The following DAB1 variants were observed in gnomAD, a reference collection of about 807,000 sequenced individuals.
DAB1 encodes the protein DAB adaptor protein 1, also known as disabled homolog 1.
In DAB1, 15 loss-of-function variants were observed where a neutral mutation model predicts 64.6. The observed-to-expected ratio is 0.23, with a 90% CI of 0.16 to 0.36. The LOEUF (loss-of-function observed/expected upper bound fraction) is 0.36, where lower values mean the gene tolerates loss of function less well. Ranked by LOEUF, DAB1 falls within the 10% of genes least tolerant of loss-of-function variation. The pLI is 1.00. For missense variants in DAB1, 596 were observed against 706.7 expected, an observed-to-expected ratio of 0.84 and a Z score of 1.78; for synonymous variants, 235 against 251.9, an observed-to-expected ratio of 0.93 and a Z score of 0.64.
intron 2 of DAB1, among the ~76,000 whole-genome samples, chr1:57,208,081 T>C (rs115254847): frequency 0.012 from 1,796 of 152,230 alleles, 36 homozygotes; most frequent in African/African-American, 0.041. Flanking sequence ...AACACTGTCA[T>C]GGGAGTGAGG....
At chr1:58,280,575 G>T (rs1008872946) in intron 4 of DAB1, among the ~76,000 whole-genome samples, 15 of 152,160 alleles carry the variant, frequency 9.9e-5, no homozygotes, top group African/African-American at 3.4e-4. Context: ...CCCAATTTCT[G>T]GTAGAATCTT....
chr1:57,317,195 T>C (rs1032460690), intron 1 of DAB1, among the ~76,000 whole-genome samples: 13 of 152,096 alleles, frequency 8.5e-5, no homozygotes. Context: ...TCCAACAGCA[T>C]GTGAGGAACT....
At chr1:57,106,814 G>A (rs921703427) in intron 4 of DAB1, among the ~76,000 whole-genome samples, 9 of 152,080 alleles carry the variant, frequency 5.9e-5, no homozygotes, top group Admixed American at 3.3e-4. Flanking sequence ...CCCTGTGCTT[G>A]CCCTCAAGAC....
chr1:57,772,451 AT>A (rs1649603263), intron 6 of DAB1, among the ~76,000 whole-genome samples: 1 of 152,140 alleles, frequency 6.6e-6, no homozygotes, highest in African/African-American at 2.4e-5. Context: ...TTCTTTCCAG[AT>A]TTTGGTTATT....
At chr1:58,358,454 A>G (rs1194047788) in intron 3 of DAB1, among the ~76,000 whole-genome samples, 1 of 152,206 alleles carries the variant, frequency 6.6e-6, no homozygotes, top group African/African-American at 2.4e-5. Context: ...AGTTAAGGGA[A>G]AACAACTCAG....
intron 1 of DAB1, among the ~76,000 whole-genome samples, chr1:57,373,617 A>G (rs907143640): frequency 2.0e-5 from 3 of 152,186 alleles, no homozygotes; most frequent in East Asian, 1.9e-4. Context: ...CAAATTGCCC[A>G]TGCTCTACTT....
intron 3 of DAB1, among the ~76,000 whole-genome samples, chr1:58,455,394 C>T (rs561126984): frequency 2.2e-4 from 34 of 152,354 alleles, no homozygotes; most frequent in African/African-American, 8.2e-4. Context: ...ATTGCAGGCC[C>T]ACCCCGCGGA....
At chr1:56,999,778 C>G (rs1645774977) in intron 14 of DAB1, among the ~76,000 whole-genome samples, 1 of 152,178 alleles carries the variant, frequency 6.6e-6, no homozygotes, top group African/African-American at 2.4e-5. Flanking sequence ...CTCCTGCCAT[C>G]AGATCCAATT....
intron 2 of DAB1, among the ~76,000 whole-genome samples, chr1:57,179,935 A>G (rs760817555): frequency 6.6e-6 from 1 of 152,194 alleles, no homozygotes; most frequent in Non-Finnish European, 1.5e-5. Flanking sequence ...GGTGTTTGGA[A>G]TTAGTCTTCC....
chr1:57,405,169 TAGAC>T (rs1181866254), intron 1 of DAB1, among the ~76,000 whole-genome samples: 2 of 152,248 alleles, frequency 1.3e-5, no homozygotes, highest in Non-Finnish European at 2.9e-5. Context: ...GCTATAGACT[TAGAC>T]AGATACAAAC....
chr1:57,299,843 C>T lies in DAB1; in HGVS notation c.-136-8677G>A, dbSNP rs116209280. On this transcript the variant is annotated intron_variant, in intron 1 of 14. Transcript: ENST00000371236. ...CTTTAAGCTCTTTCATCAGCCTTGG[C>T]CTCAATTTCTTCATCTGTAAAATGG... is the stretch of plus-strand genomic sequence containing the variant. 9.9e-3 allele frequency among the ~76,000 whole-genome samples: 1,505 copies of T among 152,288 alleles called. 15 individuals are homozygous for T. Among genetic ancestry groups the T allele is most frequent in the Admixed American group, 0.024 (368 of 15,284 alleles).
chr1:57,405,564 A>G (rs113781314), intron 1 of DAB1, among the ~76,000 whole-genome samples: 209 of 152,330 alleles, frequency 1.4e-3, no homozygotes, highest in African/African-American at 4.7e-3. Context: ...TTTAGTGCCA[A>G]ATTTTTAAAC....
intron 2 of DAB1, among the ~76,000 whole-genome samples, chr1:57,155,670 T>C (rs1039305007): frequency 1.3e-5 from 2 of 151,958 alleles, no homozygotes; most frequent in African/African-American, 4.8e-5. Context: ...TTCCACCCTA[T>C]GAACATGGAA....
At chr1:58,297,643 G>T (rs370334780) in intron 4 of DAB1, among the ~76,000 whole-genome samples, 2 of 152,170 alleles carry the variant, frequency 1.3e-5, no homozygotes, top group African/African-American at 4.8e-5. Context: ...GATCAATGGT[G>T]ATTATAATAA....
At chr1:57,859,258 C>A (rs149577801) in intron 1 of DAB1, among the ~76,000 whole-genome samples, 2 of 152,274 alleles carry the variant, frequency 1.3e-5, no homozygotes, top group African/African-American at 4.8e-5. Flanking sequence ...GCATTTACTT[C>A]CTATTAGTGA....
chr1:57,976,143 A>T (rs1645914711), intron 5 of DAB1, among the ~76,000 whole-genome samples: 1 of 152,166 alleles, frequency 6.6e-6, no homozygotes, highest in African/African-American at 2.4e-5. Context: ...ACTAGGTTGA[A>T]ATTTTAAAGA....
intron 8 of DAB1, 28 bp downstream of exon 8, chr1:57,069,332 A>C (rs1249437358): frequency 6.3e-7 from 1 of 1,578,886 alleles, no homozygotes; most frequent in Admixed American, 1.7e-5. Context: ...TAGTGGTGCA[A>C]TGGTAAGAGA....
At chr1:58,436,496 C>T (rs1557760024) in intron 3 of DAB1, among the ~76,000 whole-genome samples, 1 of 152,128 alleles carries the variant, frequency 6.6e-6, no homozygotes, top group Non-Finnish European at 1.5e-5. Context: ...AATCTCTTAG[C>T]TCTTCAGTAT....
intron 7 of DAB1, among the ~76,000 whole-genome samples, chr1:57,514,323 T>A (rs1213165115): frequency 6.6e-6 from 1 of 152,238 alleles, no homozygotes; most frequent in Non-Finnish European, 1.5e-5. Flanking sequence ...AGGGTTCCCT[T>A]TTTTCCATGC....
Sources: allele counts gnomAD v4.1 joint callset (sites outside exome capture counted in the v4.1 genomes callset), GRCh38; gene constraint gnomAD v4.1.1; transcripts MANE v1.5; gene names NCBI Gene and HGNC (gene_info 2026-07-23, HGNC 2026-07-21).